The following CBFA2T2 variants were observed in gnomAD, a reference collection of about 807,000 sequenced individuals.
CBFA2T2 encodes the protein protein CBFA2T2.
In CBFA2T2, 11 loss-of-function variants were observed where a neutral mutation model predicts 62.2. That is an observed-to-expected ratio of 0.18 (90% CI 0.11 to 0.29). The LOEUF is 0.29. Ranked by LOEUF, CBFA2T2 falls within the 10% of genes least tolerant of loss-of-function variation. The pLI, the probability that CBFA2T2 is intolerant of heterozygous loss-of-function variation, is 1.00. For synonymous variants in CBFA2T2, 295 were observed against 287.5 expected (o/e 1.03, Z -0.27); for missense variants, 592 against 774.1 (o/e 0.76, Z 2.79).
chr20:33,497,079 G>T (rs779013691), intron 1 of CBFA2T2, among the ~76,000 whole-genome samples: 20 of 151,950 alleles, frequency 1.3e-4, no homozygotes, highest in Non-Finnish European at 2.4e-4. Context: ...TTTGAGACCA[G>T]CCTGACCAAA....
At position 33,644,946 on chromosome 20, in the gene CBFA2T2, C is replaced by A; in HGVS notation, c.*300C>A. ...TTAGCCGGCCCCTTTTCAGTGTAGACCACCAGCTCCCCTCCCCATCTCCTT... is the reference window on the plus strand; with the variant it reads ...TTAGCCGGCCCCTTTTCAGTGTAGAACACCAGCTCCCCTCCCCATCTCCTT... On this transcript the variant is annotated 3_prime_UTR_variant, in exon 11 of 11. Transcript: ENST00000342704. The A allele has an allele frequency of 2.8e-6, 1 of 352,260 alleles. No individual in the cohort carries two copies. The highest frequency in any genetic ancestry group is 5.2e-6 in the Non-Finnish European group (1 of 191,714). The allele number at this position is 352,260 out of a possible 1,614,324, so 21.8% of individuals were successfully genotyped here. A position where few individuals can be genotyped will look rare whatever the true frequency, so the allele number is the denominator to read the frequency against.
chr20:33,570,730 GA>G (rs1470278785), intron 1 of CBFA2T2, among the ~76,000 whole-genome samples: 9 of 152,318 alleles, frequency 5.9e-5, no homozygotes, highest in African/African-American at 2.2e-4. Context: ...TGTACATACT[GA>G]GAAACAAAGT....
rs575712201 is a variant in CBFA2T2, at chr20:33,502,341, T to C, written c.34+12040T>C. Among the ~76,000 whole-genome samples, 636 of 152,318 alleles carry C rather than the reference T, an allele frequency of 4.2e-3. 4 individuals are homozygous for C. The highest frequency in any genetic ancestry group is 0.014 in the African/African-American group (590 of 41,568). On this transcript the variant is annotated intron_variant, in intron 1 of 10. Transcript: ENST00000342704. ...GTCATTTTGACACATTCCCACATTTTTTAACTGCTTTTTTTGACACACCAA... is the reference window on the plus strand; with the variant it reads ...GTCATTTTGACACATTCCCACATTTCTTAACTGCTTTTTTTGACACACCAA...
At chr20:33,583,461 G>T (rs1426253200) in intron 1 of CBFA2T2, among the ~76,000 whole-genome samples, 1 of 152,170 alleles carries the variant, frequency 6.6e-6, no homozygotes, top group Non-Finnish European at 1.5e-5. Context: ...TTGGGGAGAT[G>T]AAATGATTTT....
At chr20:33,573,472 T>G (rs975345654) in intron 1 of CBFA2T2, among the ~76,000 whole-genome samples, 4 of 151,852 alleles carry the variant, frequency 2.6e-5, no homozygotes, top group Admixed American at 6.6e-5. Flanking sequence ...GTACTACTTC[T>G]TCTTCTTCTT....
At chr20:33,503,155 G>T in intron 1 of CBFA2T2, among the ~76,000 whole-genome samples, 1 of 143,430 alleles carries the variant, frequency 7.0e-6, no homozygotes. Context: ...TTGGAATATT[G>T]TTTTTTAGAA....
intron 2 of CBFA2T2, among the ~76,000 whole-genome samples, chr20:33,608,811 A>G (rs973505505): frequency 6.6e-6 from 1 of 152,216 alleles, no homozygotes; most frequent in Non-Finnish European, 1.5e-5. Context: ...TCTATACATC[A>G]GAGAAGCTAA....
At chr20:33,631,117 A>G (rs2016433174) in intron 8 of CBFA2T2, among the ~76,000 whole-genome samples, 1 of 152,114 alleles carries the variant, frequency 6.6e-6, no homozygotes, top group African/African-American at 2.4e-5. Context: ...GATCGAGACC[A>G]TCCTGGCTAA....
intron 4 of CBFA2T2, 78 bp from the exon 5 acceptor site, chr20:33,623,020 TTTATCTTGTATCATCTG>T: frequency 8.4e-7 from 1 of 1,186,820 alleles, no homozygotes; most frequent in Admixed American, 2.3e-5. Flanking sequence ...GAGAAAGGCT[TTTATCTTGTATCATCTG>T]CTTTGTGAAA....
chr20:33,608,309 C>G (rs1568849646), intron 2 of CBFA2T2, among the ~76,000 whole-genome samples: 1 of 152,110 alleles, frequency 6.6e-6, no homozygotes, highest in Non-Finnish European at 1.5e-5. Context: ...TTTGGAATGC[C>G]CAAAAAGTGT....
intron 1 of CBFA2T2, among the ~76,000 whole-genome samples, chr20:33,551,592 G>A (rs953283825): frequency 6.6e-6 from 1 of 152,044 alleles, no homozygotes; most frequent in Admixed American, 6.6e-5. Flanking sequence ...GTGCAGTGGT[G>A]TGATCTCAGC....
At chr20:33,621,088 T>C (rs2015943467) in intron 4 of CBFA2T2, among the ~76,000 whole-genome samples, 1 of 152,206 alleles carries the variant, frequency 6.6e-6, no homozygotes, top group South Asian at 2.1e-4. Flanking sequence ...CTCTTTGTGA[T>C]CTTGACGTTT....
intron 1 of CBFA2T2, among the ~76,000 whole-genome samples, chr20:33,564,357 G>T (rs2013207973): frequency 6.6e-6 from 1 of 151,300 alleles, no homozygotes; most frequent in Non-Finnish European, 1.5e-5. Flanking sequence ...CCACCTCCCG[G>T]GTTCAAGCTA....
chr20:33,620,002 A>G (rs1360136497), intron 4 of CBFA2T2, among the ~76,000 whole-genome samples: 2 of 152,210 alleles, frequency 1.3e-5, no homozygotes, highest in East Asian at 3.8e-4. Flanking sequence ...AGGTCTTTGC[A>G]GTTTAGACTT....
chr20:33,617,812 CTT>C (rs1174099524), intron 3 of CBFA2T2, among the ~76,000 whole-genome samples: 1 of 152,032 alleles, frequency 6.6e-6, no homozygotes, highest in African/African-American at 2.4e-5. Context: ...AAACATTTTC[CTT>C]TAATATGTTT....
At chr20:33,559,673 A>G (rs1373811449) in intron 1 of CBFA2T2, among the ~76,000 whole-genome samples, 1 of 152,048 alleles carries the variant, frequency 6.6e-6, no homozygotes, top group Non-Finnish European at 1.5e-5. Flanking sequence ...TTTTTAGTAG[A>G]GGCGGGGTTT....
rs1159324712 is a variant in CBFA2T2, at chr20:33,624,978, C to T, written c.907C>T (p.Leu303=). 1.9e-6 allele frequency: 3 copies of T among 1,614,136 alleles called. No homozygotes were observed. The highest frequency in any genetic ancestry group is 1.6e-4 in the Middle Eastern group (1 of 6,062). ...SHLYREPNKM[L]EHREVRDRHH... is the part of the protein sequence containing the mutation. The stretch of plus-strand genomic sequence containing the variant: ...CCTGTATCGGGAACCCAACAAGATG[C>T]TAGAGCATCGAGAAGTTCGTGATAG... Residue 303 remains leucine (L), a synonymous_variant, in exon 6 of 11, where the codon CTA becomes TTA. Coordinates refer to ENST00000342704, the MANE Select transcript of CBFA2T2 (RefSeq NM_001032999.3).
intron 1 of CBFA2T2, among the ~76,000 whole-genome samples, chr20:33,516,238 G>C (rs1266706995): frequency 6.6e-6 from 1 of 152,204 alleles, no homozygotes; most frequent in African/African-American, 2.4e-5. Flanking sequence ...GGGAGTCCGA[G>C]GCGGGCAGAT....
chr20:33,584,703 A>G (rs1282187650), intron 1 of CBFA2T2, among the ~76,000 whole-genome samples: 1 of 152,162 alleles, frequency 6.6e-6, no homozygotes, highest in East Asian at 1.9e-4. Context: ...ACCATAATAT[A>G]TTTTGTAAAA....
Sources: gnomAD v4.1 joint callset for allele counts (sites outside exome capture counted in the v4.1 genomes callset) on GRCh38, gnomAD v4.1.1 for gene constraint, MANE v1.5 for transcripts, NCBI Gene and HGNC (gene_info 2026-07-23, HGNC 2026-07-21) for gene names.